Variants in BPIFB6 observed in about 807,000 individuals in gnomAD.
BPIFB6 encodes the protein BPI fold-containing family B member 6.
In BPIFB6, 47 loss-of-function variants were observed where a neutral mutation model predicts 54.7. The observed-to-expected ratio is 0.86, with a 90% CI of 0.68 to 1.10. The LOEUF is 1.10. Among genes scored for constraint, BPIFB6 ranks in the 50% least tolerant of loss-of-function variants. The pLI is 0.00. For synonymous variants in BPIFB6, 255 were observed against 225.9 expected (o/e 1.13, Z -1.16); for missense variants, 603 against 564.1 (o/e 1.07, Z -0.70).
chr20:33,037,599 T>C lies in BPIFB6; in HGVS notation c.707T>C (p.Leu236Pro), dbSNP rs1979397207. 1 of 1,613,896 alleles carries C rather than the reference T, an allele frequency of 6.2e-7. No individual in the cohort carries two copies. The highest frequency in any genetic ancestry group is 1.1e-5 in the South Asian group (1 of 91,066). The change falls in exon 8 of 15, where the codon CTT becomes CCT. Residue 236 changes from leucine to proline, a missense_variant. Transcript: ENST00000349552. Reference sequence around the variant, plus strand: ...CAGCAAAAGGGCAAAACCATCAAGCTTGCTGATGCCGGGGAGGCCCTCACG... The same window carrying C: ...CAGCAAAAGGGCAAAACCATCAAGCCTGCTGATGCCGGGGAGGCCCTCACG... The part of the protein sequence containing the change: ...VQQQKGKTIK[L>P]ADAGEALTFP...
chr20:33,038,855 T>C, intron 8 of BPIFB6, 54 bp from the exon 9 acceptor site: 1 of 1,544,140 alleles, frequency 6.5e-7, no homozygotes, highest in Non-Finnish European at 9.0e-7. Flanking sequence ...AGATGTTTGT[T>C]AGGATGGGCC....
intron 9 of BPIFB6, 66 bp from the exon 10 acceptor site, chr20:33,039,281 C>T (rs2146367058): frequency 6.8e-7 from 1 of 1,475,354 alleles, no homozygotes; most frequent in Non-Finnish European, 9.1e-7. Context: ...CTTGAGGGAC[C>T]CCTTATTTCA....
At chr20:33,039,830 AC>A (rs1286234133) in intron 10 of BPIFB6, among the ~76,000 whole-genome samples, 8 of 152,248 alleles carry the variant, frequency 5.3e-5, no homozygotes, top group Non-Finnish European at 1.2e-4. Flanking sequence ...TGGGGAAATC[AC>A]AAAGGGCTTC....
chr20:33,034,943 C>G, intron 4 of BPIFB6, 31 bp downstream of exon 4: 1 of 1,605,024 alleles, frequency 6.2e-7, no homozygotes, highest in Non-Finnish European at 8.5e-7. Context: ...GGAGGAAGGC[C>G]GGTCCATATT....
intron 7 of BPIFB6, 91 bp from the exon 8 acceptor site, chr20:33,037,471 G>A (rs1426706655): frequency 9.9e-6 from 13 of 1,318,376 alleles, no homozygotes; most frequent in South Asian, 7.1e-5. Context: ...TTTGGGTTTG[G>A]CTGGAGCCCC....
intron 3 of BPIFB6, 85 bp from the exon 4 acceptor site, chr20:33,034,678 T>C: frequency 2.1e-6 from 3 of 1,462,538 alleles, no homozygotes; most frequent in Middle Eastern, 2.2e-4. Flanking sequence ...CCCTCTCAGC[T>C]GCTCAGATTG....
At chr20:33,035,051 C>A (rs1381644936) in intron 4 of BPIFB6, 30 bp from the exon 5 acceptor site, 1 of 1,613,004 alleles carries the variant, frequency 6.2e-7, no homozygotes, top group Non-Finnish European at 8.5e-7. Context: ...TGCACCTGCC[C>A]ACCTATCCTC....
intron 5 of BPIFB6, 88 bp from the exon 6 acceptor site, chr20:33,035,524 T>C (rs559975896): frequency 4.5e-4 from 625 of 1,386,292 alleles, no homozygotes; most frequent in Non-Finnish European, 3.5e-4. Flanking sequence ...CCACCAGGGC[T>C]CTTGGGATGG....
At position 33,034,278 on chromosome 20, in the gene BPIFB6, T is replaced by C. The variant is rs1979233116; in HGVS notation, c.290T>C (p.Val97Ala). The C allele has an allele frequency of 1.9e-6, 3 of 1,612,226 alleles. No homozygotes were observed. The highest frequency in any genetic ancestry group is 1.7e-6 in the Non-Finnish European group (2 of 1,178,432). ...IFQCVSTGMT[V>A]TGKSFMGGNM... ...CAATGTGTGTCCACAGGCATGACCG[T>C]CACTGGCAAGAGGTGAGTGTGGCAG... Residue 97 changes from valine (V) to alanine (A), a missense_variant, in exon 3 of 15, where the codon GTC becomes GCC. Coordinates refer to ENST00000349552, the MANE Select transcript of BPIFB6 (RefSeq NM_174897.2).
At position 33,044,004 on chromosome 20, in the gene BPIFB6, C is replaced by T. The variant is rs1187408209; in HGVS notation, c.1330-11C>T. On this transcript the variant is annotated splice_polypyrimidine_tract_variant and intron_variant, in intron 14 of 14. Transcript: ENST00000349552. Reference sequence around the variant, plus strand: ...TGGTCATTGCTCTCCTACCCCTTTGCCTTTTGCCAGAATGCCCTGATGCTG... The same window carrying T: ...TGGTCATTGCTCTCCTACCCCTTTGTCTTTTGCCAGAATGCCCTGATGCTG... The T allele has an allele frequency of 6.2e-7, 1 of 1,614,176 alleles. No homozygotes were observed. The highest frequency in any genetic ancestry group is 1.1e-5 in the South Asian group (1 of 91,082).
In BPIFB6 at chr20:33,039,418, T is replaced by C. The variant is rs1320401507; in HGVS notation, c.972T>C (p.Thr324=). The C allele has an allele frequency of 6.2e-7, 1 of 1,614,208 alleles. No individual in the cohort carries two copies. The highest frequency in any genetic ancestry group is 8.5e-7 in the Non-Finnish European group (1 of 1,180,042). The change falls in exon 10 of 15, where the codon ACT becomes ACC. Residue 324 remains threonine (T), a synonymous_variant. Coordinates refer to ENST00000349552, the MANE Select transcript of BPIFB6 (RefSeq NM_174897.2). ...AGATAAAGAAGCCTCCCAAGGTCAC[T>C]ATGAAGACAGGCAAGAGCCTGCTGC... ...QIKIKKPPKV[T]MKTGKSLLHL... is the part of the protein sequence containing the mutation.
intron 10 of BPIFB6, 132 bp from the exon 11 acceptor site, chr20:33,040,119 T>G: frequency 1.3e-6 from 1 of 795,518 alleles, no homozygotes; most frequent in South Asian, 1.5e-5. Context: ...TTCCTGAGGA[T>G]GGGCAGAGAG....
intron 11 of BPIFB6, among the ~76,000 whole-genome samples, chr20:33,041,471 G>C (rs1979582077): frequency 6.6e-6 from 1 of 152,130 alleles, no homozygotes; most frequent in Non-Finnish European, 1.5e-5. Context: ...TGAATGACTT[G>C]GAATCAGAGT....
In BPIFB6 at chr20:33,041,961, C is replaced by G. The variant is rs923605204; in HGVS notation, c.1143-9C>G. 1 of 1,613,822 alleles carries G rather than the reference C, an allele frequency of 6.2e-7. No individual in the cohort carries two copies. Among genetic ancestry groups the G allele is most frequent in the African/African-American group, 1.3e-5 (1 of 74,930 alleles). On this transcript the variant is annotated splice_polypyrimidine_tract_variant and intron_variant, in intron 11 of 14. Coordinates refer to ENST00000349552, the MANE Select transcript of BPIFB6 (RefSeq NM_174897.2). ...TCCCCGCCTGGCTTGCTTCCCCACT[C>G]CCCCACAGATTACTGAGCTTGTCCC...
At chr20:33,042,975 C>A (rs553120122) in intron 13 of BPIFB6, 97 bp downstream of exon 13, 8 of 1,102,150 alleles carry the variant, frequency 7.3e-6, no homozygotes, top group Admixed American at 4.1e-5. Flanking sequence ...TCACTGGGCC[C>A]AGATGGGGGA....
chr20:33,031,777 G>C (rs1241606597), intron 1 of BPIFB6, 33 bp downstream of exon 1: 2 of 1,592,630 alleles, frequency 1.3e-6, no homozygotes, highest in South Asian at 1.1e-5. Context: ...CGTGCAGCTG[G>C]GAGGCGGTGC....
In BPIFB6 at chr20:33,036,538, T is replaced by A; in HGVS notation, c.669+2T>A. ...AGCTACATCCAACTGGACTTCAGTG[T>A]AAGCGCCTAGGGCCACCTGGGAGCT... is the stretch of plus-strand genomic sequence containing the variant. On this transcript the variant is annotated splice_donor_variant, in intron 7 of 14. Coordinates refer to ENST00000349552, the MANE Select transcript of BPIFB6 (RefSeq NM_174897.2). LOFTEE classifies it high-confidence loss of function. 1 of 1,613,854 alleles carries A rather than the reference T, an allele frequency of 6.2e-7. No individual in the cohort carries two copies. The highest frequency in any genetic ancestry group is 8.5e-7 in the Non-Finnish European group (1 of 1,179,714).
rs1420922596 is a variant in BPIFB6, at chr20:33,040,313, G to T, written c.1137G>T (p.Leu379Phe). Residue 379 changes from leucine to phenylalanine, a missense_variant, in exon 11 of 15, where the codon TTG becomes TTT. By Grantham distance (22) the Leu-to-Phe change is conservative. Coordinates refer to ENST00000349552, the MANE Select transcript of BPIFB6 (RefSeq NM_174897.2). ...ACCAGCTGCAGATGGCCACTTCTTT[G>T]GACAGGTACGACCCTGCTGCCCAAT... The part of the protein sequence containing the change: ...HENQLQMATS[L>F]DRLLSLSRKS... The T allele has an allele frequency of 1.2e-6, 2 of 1,613,784 alleles. No homozygotes were observed. The highest frequency in any genetic ancestry group is 1.7e-6 in the Non-Finnish European group (2 of 1,179,910).
chr20:33,035,857 G>T (rs554774106), intron 6 of BPIFB6, among the ~76,000 whole-genome samples, 185 bp downstream of exon 6: 2 of 152,228 alleles, frequency 1.3e-5, no homozygotes, highest in African/African-American at 4.8e-5. Flanking sequence ...GGGAATCTGG[G>T]TTCCTTTTCT....
Sources: gnomAD v4.1 joint callset for allele counts (sites outside exome capture counted in the v4.1 genomes callset) on GRCh38, gnomAD v4.1.1 for gene constraint, MANE v1.5 for transcripts, NCBI Gene and HGNC (gene_info 2026-07-23, HGNC 2026-07-21) for gene names.